HDAC2: variants seen among roughly 807,000 people sequenced by gnomAD.
HDAC2 encodes the protein YY1-associated factor 1.
HDAC2 carries 5 observed loss-of-function variants against 68.5 expected under a neutral mutation model. The observed-to-expected ratio is 0.07, with a 90% CI of 0.04 to 0.15. HDAC2 has a LOEUF of 0.15. Ranked by LOEUF, HDAC2 falls within the 10% of genes least tolerant of loss-of-function variation. HDAC2 has a pLI of 1.00. For missense variants in HDAC2, 291 were observed against 600.8 expected, an observed-to-expected ratio of 0.48 and a Z score of 5.39; for synonymous variants, 182 against 191.3, an observed-to-expected ratio of 0.95 and a Z score of 0.40.
At chr6:113,968,401 G>A (rs1776878085) in intron 1 of HDAC2, 1 of 152,124 alleles carries the variant, frequency 6.6e-6, no homozygotes, top group Non-Finnish European at 1.5e-5. Flanking sequence ...AAAAGAATTA[G>A]TATTGCTACT....
chr6:113,945,842 T>A (rs550474530), intron 9 of HDAC2, among the ~76,000 whole-genome samples, 166 bp downstream of exon 9: 4 of 152,236 alleles, frequency 2.6e-5, no homozygotes, highest in African/African-American at 9.6e-5. Context: ...ACGTTTAAAG[T>A]AGGCTGGGCT....
chr6:113,970,265 G>A (rs183804786), intron 1 of HDAC2: 7 of 178,324 alleles, frequency 3.9e-5, no homozygotes, highest in East Asian at 3.8e-4. Context: ...CGGGAGGAGG[G>A]GTCCGGGGAA....
chr6:113,956,647 A>G lies in HDAC2; in HGVS notation c.330T>C (p.Phe110=), dbSNP rs377173053. 413 of 1,613,402 alleles carry G rather than the reference A, an allele frequency of 2.6e-4. No individual in the cohort carries two copies. The highest frequency in any genetic ancestry group is 5.0e-4 in the Admixed American group (30 of 60,018). Residue 110 remains phenylalanine (F), a synonymous_variant, in exon 4 of 14, where the codon TTT becomes TTC. Coordinates refer to ENST00000519065, the MANE Select transcript of HDAC2 (RefSeq NM_001527.4). ...DCPVFDGLFE[F]CQLSTGGSVA... ...CTGAACCGCCAGTTGAGAGCTGACA[A>G]AACTCAAAGAGTCCATCAAACACTG...
Position 113,951,757 on chromosome 6 carries a change from G to A in HDAC2, c.639+1520C>T, listed in dbSNP as rs76316699. 2.6e-5 allele frequency among the ~76,000 whole-genome samples: 4 copies of A among 152,204 alleles called. No homozygotes were observed. The East Asian group carries it at 5.8e-4, about 22-fold the overall frequency. ...GCTGGGATTACAGGCGTGAGACACCGCGCCCGGCCCAGCGATTGTAAAATC... is the reference window on the plus strand; with the variant it reads ...GCTGGGATTACAGGCGTGAGACACCACGCCCGGCCCAGCGATTGTAAAATC... On this transcript the variant is annotated intron_variant, in intron 6 of 13. Transcript: ENST00000519065.
At chr6:113,961,942 A>G (rs531908417) in intron 1 of HDAC2, among the ~76,000 whole-genome samples, 4 of 152,318 alleles carry the variant, frequency 2.6e-5, no homozygotes, top group Non-Finnish European at 5.9e-5. Context: ...TCTGTGTAAC[A>G]ATTACCCAAA....
intron 10 of HDAC2, among the ~76,000 whole-genome samples, chr6:113,944,745 C>T (rs1776229196): frequency 6.6e-6 from 1 of 152,166 alleles, no homozygotes; most frequent in African/African-American, 2.4e-5. Flanking sequence ...CCTCCCACCT[C>T]GGACTTCCAA....
At chr6:113,944,986 T>C (rs1004422321) in intron 10 of HDAC2, among the ~76,000 whole-genome samples, 7 of 152,106 alleles carry the variant, frequency 4.6e-5, no homozygotes, top group African/African-American at 1.7e-4. Flanking sequence ...GAAAATAACT[T>C]ATAGTGCACC....
intron 1 of HDAC2, among the ~76,000 whole-genome samples, chr6:113,967,179 T>C (rs910440411): frequency 2.0e-5 from 3 of 152,124 alleles, no homozygotes; most frequent in Admixed American, 1.3e-4. Flanking sequence ...TTCGCTCTTG[T>C]TGCCCATGGC....
At position 113,933,264 on chromosome 6, in the gene HDAC2, A is replaced by G. The variant is rs1396568195; in HGVS notation, c.*7794T>C. ...TGACTGGGTGCACTGAGAACACAGC[A>G]TCATTCCTGTGATATTCTTGCCCAA... On this transcript the variant is annotated 3_prime_UTR_variant, in exon 14 of 14. Transcript: ENST00000519065. 1 of 152,244 alleles carries G rather than the reference A, an allele frequency of 6.6e-6. No homozygotes were observed. The highest frequency in any genetic ancestry group is 1.5e-5 in the Non-Finnish European group (1 of 68,042). The allele number at this position is 152,244 out of a possible 1,614,324, so 9.4% of individuals were successfully genotyped here.
At chr6:113,956,727 T>TGTG in intron 3 of HDAC2, 34 bp from the exon 4 acceptor site, 1 of 1,449,784 alleles carries the variant, frequency 6.9e-7, no homozygotes, top group Non-Finnish European at 9.7e-7. Context: ...TTTCAACACA[T>TGTG]TCTGCAAATT....
chr6:113,957,485 C>CTT (rs200098767), intron 3 of HDAC2, among the ~76,000 whole-genome samples: 61 of 145,788 alleles, frequency 4.2e-4, no homozygotes, highest in South Asian at 2.8e-3. Context: ...AGATCATAAT[C>CTT]TTTTTTTTTT....
In HDAC2 at chr6:113,944,354, T is replaced by C. The variant is rs1419056501; in HGVS notation, c.1148A>G (p.Gln383Arg). Residue 383 changes from glutamine to arginine, a missense_variant, in exon 11 of 14, where the codon CAA (glutamine) becomes CGA (arginine). Around this residue, in one of 2 missense-constraint regions of HDAC2, gnomAD observed 137 missense variants for 128.7 expected, o/e 1.06. Transcript: ENST00000519065. ...ATGAACAGCATCTTCTGGAATAGCTTGCATCTGGACACCAGGTGCATGAGG... is the reference window on the plus strand; with the variant it reads ...ATGAACAGCATCTTCTGGAATAGCTCGCATCTGGACACCAGGTGCATGAGG... ...MLPHAPGVQM[Q>R]AIPEDAVHED... 1 of 1,613,226 alleles carries C rather than the reference T, an allele frequency of 6.2e-7. No individual in the cohort carries two copies. The highest frequency in any genetic ancestry group is 8.5e-7 in the Non-Finnish European group (1 of 1,179,194).
intron 12 of HDAC2, 58 bp downstream of exon 12, chr6:113,943,293 T>C (rs776578588): frequency 7.1e-7 from 1 of 1,402,790 alleles, no homozygotes; most frequent in Non-Finnish European, 9.8e-7. Flanking sequence ...AACATTATAA[T>C]GCAGCCCAAT....
At chr6:113,942,533 G>T (rs1466223396) in intron 12 of HDAC2, among the ~76,000 whole-genome samples, 1 of 151,642 alleles carries the variant, frequency 6.6e-6, no homozygotes. Flanking sequence ...CATACTACAG[G>T]ATCAAAATTA....
intron 10 of HDAC2, 135 bp downstream of exon 10, chr6:113,945,227 T>G (rs1176177248): frequency 2.3e-6 from 1 of 436,178 alleles, no homozygotes; most frequent in African/African-American, 2.1e-5. Flanking sequence ...AATCAGTAAC[T>G]TAATGTTTCA....
At chr6:113,952,684 G>T (rs887551406) in intron 6 of HDAC2, among the ~76,000 whole-genome samples, 8 of 152,106 alleles carry the variant, frequency 5.3e-5, no homozygotes, top group Non-Finnish European at 1.2e-4. Context: ...ATAGAAATAG[G>T]ATTTGACCAG....
intron 1 of HDAC2, among the ~76,000 whole-genome samples, chr6:113,965,010 T>C (rs1776778356): frequency 6.6e-6 from 1 of 152,236 alleles, no homozygotes; most frequent in South Asian, 2.1e-4. Context: ...TTACATTTTA[T>C]ATGGACCAAT....
At chr6:113,957,790 G>A (rs1480978292) in intron 3 of HDAC2, among the ~76,000 whole-genome samples, 1 of 152,024 alleles carries the variant, frequency 6.6e-6, no homozygotes, top group African/African-American at 2.4e-5. Context: ...ACCTGGCCAG[G>A]ATCATAAGCT....
intron 4 of HDAC2, 121 bp downstream of exon 4, chr6:113,956,498 T>A (rs1776557657): frequency 1.4e-6 from 1 of 718,600 alleles, no homozygotes; most frequent in African/African-American, 1.8e-5. Context: ...ACTATAAACA[T>A]ACTGATTTCC....
Sources: gnomAD v4.1 joint callset for allele counts (sites outside exome capture counted in the v4.1 genomes callset) on GRCh38, gnomAD v4.1.1 for gene constraint, gnomAD v4.1.1 regional missense constraint, MANE v1.5 for transcripts, NCBI Gene and HGNC (gene_info 2026-07-23, HGNC 2026-07-21) for gene names.